Variants in FAM3A observed in about 807,000 individuals in gnomAD.
FAM3A encodes FAM3 metabolism regulating signaling molecule A.
Under a neutral mutation model 18.1 loss-of-function variants are expected in FAM3A, and 5 were observed. That is an observed-to-expected ratio of 0.28 (90% confidence interval 0.14 to 0.58). The LOEUF is 0.58. FAM3A is among the 20% of genes least tolerant of loss of function. The pLI, the probability that FAM3A is intolerant of heterozygous loss-of-function variation, is 0.91. For synonymous variants in FAM3A, 108 were observed against 90.2 expected, an observed-to-expected ratio of 1.20 and a Z score of -1.12; for missense variants, 154 against 216.6, an observed-to-expected ratio of 0.71 and a Z score of 1.81.
chrX:154,508,990 T>A, intron 3 of FAM3A: 1 of 252,678 alleles, frequency 4.0e-6, no homozygotes, highest in Non-Finnish European at 7.5e-6. Flanking sequence ...CCGATTTTGA[T>A]GGGGGTTGGT....
chrX:154,509,986 G>A (rs368552015), intron 3 of FAM3A: 1 of 112,695 alleles, frequency 8.9e-6, no homozygotes. Flanking sequence ...CTGGTGAGAG[G>A]AGGGGAGAGC....
rs1234590110 is a variant in FAM3A, at chrX:154,512,266, T to TAAG, written c.128-398_128-396dup. ...ATAATAATAATAATAATAATAATAA[T>TAAG]AAGAAGAAGAAGAAGAAGAAGAAGA... On this transcript the variant is annotated intron_variant, in intron 2 of 8. Coordinates refer to ENST00000447601, the MANE Select transcript of FAM3A (RefSeq NM_021806.4). 2.3e-3 allele frequency: 376 copies of TAAG among 161,898 alleles called. 12 individuals carry two copies. The highest frequency in any genetic ancestry group is 0.013 in the Middle Eastern group (5 of 387). 13.3% of individuals were successfully genotyped at this position (161,898 alleles called of 1,213,427 possible). A position where few individuals can be genotyped will look rare whatever the true frequency, so the allele number is the denominator to read the frequency against.
In FAM3A at chrX:154,508,589, C is replaced by G. The variant is rs782486535; in HGVS notation, c.160G>C (p.Ala54Pro). The change falls in exon 4 of 9, where the codon GCC (alanine) becomes CCC (proline). Residue 54 changes from alanine to proline, a missense_variant. Ala to Pro is a conservative substitution (Grantham distance 27). Coordinates refer to ENST00000447601, the MANE Select transcript of FAM3A (RefSeq NM_021806.4). Reference sequence around the variant, plus strand: ...GGCAGGCCACACTTGTACTTCCTGGCCCGTGGCGCTGGGCAGGGATAGCAG... The same window carrying G: ...GGCAGGCCACACTTGTACTTCCTGGGCCGTGGCGCTGGGCAGGGATAGCAG... ...PESSVTAAPR[A>P]RKYKCGLPQP... The G allele has an allele frequency of 1.7e-6, 2 of 1,190,617 alleles. No homozygotes were observed. Among genetic ancestry groups the G allele is most frequent in the Non-Finnish European group, 2.3e-6 (2 of 884,537 alleles).
intron 3 of FAM3A, chrX:154,509,152 C>T (rs1323312894): frequency 4.9e-6 from 1 of 203,142 alleles, no homozygotes; most frequent in Non-Finnish European, 9.3e-6. Context: ...AGGTTGGGTC[C>T]TTAATGCAAC....
chrX:154,514,488 C>T (rs1557224621), intron 1 of FAM3A, among the ~76,000 whole-genome samples: 1 of 110,915 alleles, frequency 9.0e-6, no homozygotes, highest in African/African-American at 3.3e-5. Flanking sequence ...ACTGCAAGCT[C>T]CGCCTCCCGG....
intron 8 of FAM3A, 109 bp from the exon 9 acceptor site, chrX:154,507,015 A>G: frequency 3.4e-6 from 3 of 885,344 alleles, no homozygotes; most frequent in Non-Finnish European, 4.8e-6. Context: ...CCAACGGTGT[A>G]CTCTCAGGGC....
At position 154,515,963 on chromosome X, in the gene FAM3A, C is replaced by G; in HGVS notation, c.-191G>C. ...GGCTCCTCGGAAACGCGCGGGGAAA[C>G]CCTGCCTGGCCAGGAGGGGCCTCAG... is the stretch of plus-strand genomic sequence containing the variant. On this transcript the variant is annotated 5_prime_UTR_variant, in exon 1 of 9. Transcript: ENST00000447601. 1 of 451,348 alleles carries G rather than the reference C, an allele frequency of 2.2e-6. No homozygotes were observed. Among genetic ancestry groups the G allele is most frequent in the Non-Finnish European group, 3.9e-6 (1 of 259,371 alleles). The allele number at this position is 451,348 out of a possible 1,213,427, so 37.2% of individuals were successfully genotyped here. A position where few individuals can be genotyped will look rare whatever the true frequency, so the allele number is the denominator to read the frequency against.
At chrX:154,511,951 G>C in intron 2 of FAM3A, 80 bp from the exon 3 acceptor site, 1 of 953,710 alleles carries the variant, frequency 1.0e-6, no homozygotes. Context: ...CTTACACCGC[G>C]AAGTGTAGAC....
rs1170938233 is a variant in FAM3A at position 154,508,736 on chromosome X, G to C, written c.152-139C>G. The C allele has an allele frequency of 5.4e-6, 4 of 744,791 alleles. No homozygotes were observed. The South Asian group carries it at 6.8e-5, about 13-fold the overall frequency. The allele number at this position is 744,791 out of a possible 1,213,427, so 61.4% of individuals were successfully genotyped here. A position where few individuals can be genotyped will look rare whatever the true frequency, so the allele number is the denominator to read the frequency against. ...CAAGTAGGGGGATGTGGCTCAGGCC[G>C]AGGCTGGGGACACTTCCATACTCTG... On this transcript the variant is annotated intron_variant, in intron 3 of 8. Coordinates refer to ENST00000447601, the MANE Select transcript of FAM3A (RefSeq NM_021806.4).
At chrX:154,509,034 G>C (rs1360518092) in intron 3 of FAM3A, 4 of 256,572 alleles carry the variant, frequency 1.6e-5, no homozygotes, top group Non-Finnish European at 2.9e-5. Context: ...TTCTATTATG[G>C]GTTGAATTCT....
chrX:154,514,450 C>T (rs1557224586), intron 1 of FAM3A, among the ~76,000 whole-genome samples: 2 of 108,975 alleles, frequency 1.8e-5, no homozygotes, highest in Admixed American at 2.0e-4. Flanking sequence ...GTTGCCCAGA[C>T]TGAAGTGCAG....
At chrX:154,509,292 G>C (rs1172306070) in intron 3 of FAM3A, 2 of 121,546 alleles carry the variant, frequency 1.6e-5, no homozygotes, top group Admixed American at 8.1e-5. Flanking sequence ...CTGGAACCTG[G>C]GGAGGTCAGG....
At chrX:154,510,689 G>A (rs1047655200) in intron 3 of FAM3A, 1 of 111,266 alleles carries the variant, frequency 9.0e-6, no homozygotes, top group Non-Finnish European at 1.9e-5. Context: ...AGCACTTTGC[G>A]GGGCCAAGGC....
chrX:154,511,651 C>T (rs960090949), intron 3 of FAM3A, among the ~76,000 whole-genome samples, 197 bp downstream of exon 3: 3 of 112,092 alleles, frequency 2.7e-5, no homozygotes, highest in Non-Finnish European at 5.6e-5. Flanking sequence ...TATCCTAGGC[C>T]TGCCCCACCG....
In FAM3A at chrX:154,512,767, C is replaced by T. The variant is rs782325572; in HGVS notation, c.127+56G>A. 4.4e-6 allele frequency: 4 copies of T among 901,199 alleles called. No individual in the cohort carries two copies. In the South Asian group the frequency reaches 8.3e-5, roughly 19 times the overall value. The allele number at this position is 901,199 out of a possible 1,213,427, so 74.3% of individuals were successfully genotyped here. ...CCAACCCAGAGCCTCAACCACAGGC[C>T]CAGGTGGCCACCTTGGTGGCCTCCA... On this transcript the variant is annotated intron_variant, in intron 2 of 8. Coordinates refer to ENST00000447601, the MANE Select transcript of FAM3A (RefSeq NM_021806.4).
chrX:154,506,679 A>G lies in FAM3A; in HGVS notation c.*132T>C, dbSNP rs1352248918. ...GACCACGTTCTGGTCACTGCCTCGG[A>G]GCCCCGATGTGTTGGGGCCAGGGAG... On this transcript the variant is annotated 3_prime_UTR_variant, in exon 9 of 9. Transcript: ENST00000447601. 3 of 498,197 alleles carry G rather than the reference A, an allele frequency of 6.0e-6. No homozygotes were observed. 41.1% of individuals were successfully genotyped at this position (498,197 alleles called of 1,213,427 possible). A position where few individuals can be genotyped will look rare whatever the true frequency, so the allele number is the denominator to read the frequency against.
chrX:154,507,679 G>A (rs1184734877), intron 6 of FAM3A, 132 bp downstream of exon 6: 9 of 836,078 alleles, frequency 1.1e-5, no homozygotes, highest in Non-Finnish European at 1.6e-5. Context: ...AGCTGGCGAT[G>A]CCCCTGTCCT....
chrX:154,509,530 G>A lies in FAM3A; in HGVS notation c.152-933C>T, dbSNP rs2069751214. 8.9e-5 allele frequency: 10 copies of A among 112,299 alleles called. No individual in the cohort carries two copies. In the Admixed American group the frequency reaches 9.5e-4, roughly 11 times the overall value. 9.3% of individuals were successfully genotyped at this position (112,299 alleles called of 1,213,427 possible). On this transcript the variant is annotated intron_variant, in intron 3 of 8. Coordinates refer to ENST00000447601, the MANE Select transcript of FAM3A (RefSeq NM_021806.4). ...GCTTTGGAACTGGGTAGTCAGTAGA[G>A]GCTTGTCTTAGTCCATTTGCTGCTG...
Position 154,515,860 on chromosome X carries a change from C to A in FAM3A, c.-88G>T. On this transcript the variant is annotated 5_prime_UTR_variant, in exon 1 of 9. Coordinates refer to ENST00000447601, the MANE Select transcript of FAM3A (RefSeq NM_021806.4). ...GACAGGTTTGGGTGGGGGTCAGGGG[C>A]AAGCCTGTGCGGGACCCCTGCTGGG... is the stretch of plus-strand genomic sequence containing the variant. 12 of 992,401 alleles carry A rather than the reference C, an allele frequency of 1.2e-5. No individual in the cohort carries two copies. Among genetic ancestry groups the A allele is most frequent in the South Asian group, 1.9e-5 (1 of 51,338 alleles). 81.8% of individuals were successfully genotyped at this position (992,401 alleles called of 1,213,427 possible). A position where few individuals can be genotyped will look rare whatever the true frequency, so the allele number is the denominator to read the frequency against.
Sources: gnomAD v4.1 joint callset for allele counts (sites outside exome capture counted in the v4.1 genomes callset) on GRCh38, gnomAD v4.1.1 for gene constraint, MANE v1.5 for transcripts, NCBI Gene and HGNC (gene_info 2026-07-23, HGNC 2026-07-21) for gene names.